The following SREBF1 variants were observed in gnomAD, a reference collection of about 807,000 sequenced individuals.
SREBF1 encodes sterol regulatory element binding transcription factor 1, also known as sterol regulatory element-binding protein 1.
A neutral mutation model predicts 100.1 loss-of-function variants in SREBF1; 45 were observed. That is an observed-to-expected ratio of 0.45 (90% CI 0.35 to 0.58). SREBF1 has a LOEUF of 0.58. Among genes scored for constraint, SREBF1 ranks in the 20% least tolerant of loss-of-function variants. The pLI, the probability that SREBF1 is intolerant of heterozygous loss-of-function variation, is 0.00. For synonymous variants in SREBF1, 657 were observed against 681.8 expected, an observed-to-expected ratio of 0.96 and a Z score of 0.57; for missense variants, 1,324 against 1,539.4, an observed-to-expected ratio of 0.86 and a Z score of 2.34.
intron 2 of SREBF1, 72 bp from the exon 3 acceptor site, chr17:17,819,797 T>C: frequency 6.7e-7 from 1 of 1,491,414 alleles, no homozygotes; most frequent in East Asian, 2.5e-5. Flanking sequence ...TTCAGGTCTC[T>C]ATCACCGACT....
At position 17,812,695 on chromosome 17, in the gene SREBF1, T is replaced by A. The variant is rs1224818753; in HGVS notation, c.3371A>T (p.Asp1124Val). Reference sequence around the variant, plus strand: ...CTGACAGTCGTGCAGCAGCCGGCGATCGCCAAGCTTCTCGAGTGTGCGCGC... The same window carrying A: ...CTGACAGTCGTGCAGCAGCCGGCGAACGCCAAGCTTCTCGAGTGTGCGCGC... ...EAARTLEKLG[D>V]RRLLHDCQQM... Residue 1124 changes from aspartate (D) to valine (V), a missense_variant, in exon 19 of 19, where the codon GAT (aspartate) becomes GTT (valine). Coordinates refer to ENST00000261646, the MANE Select transcript of SREBF1 (RefSeq NM_004176.5). 6.2e-7 allele frequency: 1 copy of A among 1,604,806 alleles called. No individual in the cohort carries two copies. The highest frequency in any genetic ancestry group is 2.2e-5 in the East Asian group (1 of 44,570).
chr17:17,820,893 C>T, intron 1 of SREBF1: 1 of 344,784 alleles, frequency 2.9e-6, no homozygotes, highest in East Asian at 7.0e-5. Context: ...GCCCAAACAT[C>T]TAGAAACATC....
intron 1 of SREBF1, among the ~76,000 whole-genome samples, chr17:17,827,590 G>C (rs79658520): frequency 6.6e-6 from 1 of 152,126 alleles, no homozygotes; most frequent in Admixed American, 6.5e-5. Context: ...TGGCTGCCCC[G>C]GGGGCACAAG....
At chr17:17,820,809 G>T (rs558104352) in intron 1 of SREBF1, 115 of 489,562 alleles carry the variant, frequency 2.3e-4, no homozygotes, top group African/African-American at 1.8e-3. Context: ...CCACAGCTAG[G>T]CTGGGGCTGA....
In SREBF1 at chr17:17,812,633, T is replaced by C; in HGVS notation, c.3433A>G (p.Thr1145Ala). The C allele has an allele frequency of 1.9e-6, 3 of 1,604,670 alleles. No individual in the cohort carries two copies. Among genetic ancestry groups the C allele is most frequent in the Non-Finnish European group, 2.6e-6 (3 of 1,175,606 alleles). ...LMRLGGGTTV[T>A]SS ...CGGGGACACGGGGTCTAGCTGGAAGTGACAGTGGTCCCACCGCCCAGGCGC... is the reference window on the plus strand; with the variant it reads ...CGGGGACACGGGGTCTAGCTGGAAGCGACAGTGGTCCCACCGCCCAGGCGC... Residue 1145 changes from threonine to alanine, a missense_variant, in exon 19 of 19, where the codon ACT becomes GCT. Coordinates refer to ENST00000261646, the MANE Select transcript of SREBF1 (RefSeq NM_004176.5).
rs760193821 is a variant in SREBF1, at chr17:17,814,404, G to A, written c.2742C>T (p.Pro914=). Residue 914 remains proline, a synonymous_variant, in exon 16 of 19, where the codon CCC becomes CCT. Coordinates refer to ENST00000261646, the MANE Select transcript of SREBF1 (RefSeq NM_004176.5). ...AGGAGTGCAGAGCTGCCCTGGGCAG[G>A]GGTCTCCTGTTGGGACCAGGGCAGA... The part of the protein sequence containing the change: ...LPRVLQESER[P]LPRAALHSFK... 6.4e-7 allele frequency: 1 copy of A among 1,556,270 alleles called. No homozygotes were observed. Among genetic ancestry groups the A allele is most frequent in the Admixed American group, 1.9e-5 (1 of 51,850 alleles).
chr17:17,829,256 A>T (rs189798008), intron 1 of SREBF1, among the ~76,000 whole-genome samples: 2,680 of 135,948 alleles, frequency 0.02, 270 homozygotes, highest in African/African-American at 0.085. Context: ...ACACACACAC[A>T]CTCACACATA....
intron 1 of SREBF1, among the ~76,000 whole-genome samples, chr17:17,834,797 A>C (rs542223201): frequency 6.6e-6 from 1 of 152,116 alleles, no homozygotes; most frequent in Non-Finnish European, 1.5e-5. Flanking sequence ...GGCGGATCAC[A>C]AGGTCAGGAG....
chr17:17,814,543 T>G (rs2033332022), intron 15 of SREBF1, 72 bp downstream of exon 15: 1 of 1,535,252 alleles, frequency 6.5e-7, no homozygotes, highest in Non-Finnish European at 8.7e-7. Flanking sequence ...AAAGGCTGAG[T>G]GAGGCACAGT....
Position 17,824,402 on chromosome 17 carries a change from C to G in SREBF1, c.92-3881G>C, listed in dbSNP as rs1035786517. 3.9e-5 allele frequency among the ~76,000 whole-genome samples: 6 copies of G among 152,196 alleles called. No individual in the cohort carries two copies. The highest frequency in any genetic ancestry group is 1.4e-4 in the African/African-American group (6 of 41,442). On this transcript the variant is annotated intron_variant, in intron 1 of 18. Transcript: ENST00000261646. The surrounding 1 kb of genome is among the most constrained non-coding windows in gnomAD (Gnocchi z 4.2). ...AGATGGGTGAAGTCTGCCCCTCCCC[C>G]TCAAGGCCTCACAACCCAGCAGTCA... is the stretch of plus-strand genomic sequence containing the variant.
rs749088010 is a variant in SREBF1 at position 17,814,370 on chromosome 17, C to T, written c.2776G>A (p.Ala926Thr). 2 of 1,567,232 alleles carry T rather than the reference C, an allele frequency of 1.3e-6. No homozygotes were observed. The highest frequency in any genetic ancestry group is 1.7e-6 in the Non-Finnish European group (2 of 1,155,862). Residue 926 changes from alanine (A) to threonine (T), a missense_variant, in exon 16 of 19, where the codon GCC (alanine) becomes ACC (threonine). Physicochemically the swap from Ala to Thr is moderately conservative, Grantham distance 58 (BLOSUM62 0). Coordinates refer to ENST00000261646, the MANE Select transcript of SREBF1 (RefSeq NM_004176.5). ...TTGGCACAGCCCAGCAGGGCCCGGG[C>T]AGCCTTGAAGGAGTGCAGAGCTGCC... ...PRAALHSFKAARALLGCAKAE... is the reference protein window; with the variant it reads ...PRAALHSFKATRALLGCAKAE...
At chr17:17,832,331 G>C (rs1049974537) in intron 1 of SREBF1, among the ~76,000 whole-genome samples, 1 of 152,074 alleles carries the variant, frequency 6.6e-6, no homozygotes, top group Non-Finnish European at 1.5e-5. Context: ...TTCACATTAC[G>C]ATCCTCCATC....
chr17:17,815,518 G>A (rs2033466036), intron 12 of SREBF1, 189 bp from the exon 13 acceptor site: 3 of 605,712 alleles, frequency 5.0e-6, no homozygotes, highest in Middle Eastern at 4.1e-4. Context: ...CACCAGCCTT[G>A]GCCAGGAGAC....
chr17:17,821,373 C>T (rs1030214708), intron 1 of SREBF1, among the ~76,000 whole-genome samples: 5 of 152,100 alleles, frequency 3.3e-5, no homozygotes, highest in African/African-American at 9.7e-5. Flanking sequence ...ACGGGGGGCA[C>T]GCCTCCATCC....
intron 18 of SREBF1, 139 bp downstream of exon 18, chr17:17,813,229 A>C: frequency 1.1e-6 from 1 of 893,508 alleles, no homozygotes; most frequent in Non-Finnish European, 1.8e-6. Flanking sequence ...TGAGCCTCCC[A>C]AAGTGCTAGG....
intron 1 of SREBF1, 89 bp downstream of exon 1, chr17:17,836,638 C>T (rs1045615767): frequency 1.5e-6 from 2 of 1,336,190 alleles, no homozygotes; most frequent in Non-Finnish European, 2.1e-6. Flanking sequence ...AGCTGGCGCC[C>T]GTGGGGGAGA....
At chr17:17,816,109 T>G in intron 11 of SREBF1, 81 bp from the exon 12 acceptor site, 1 of 1,427,834 alleles carries the variant, frequency 7.0e-7, no homozygotes, top group African/African-American at 1.9e-5. Flanking sequence ...TGGCCTGGAG[T>G]CCCCCTGGTA....
rs1195611852 is a variant in SREBF1 at position 17,811,394 on chromosome 17, T to C, written c.*1228A>G. On this transcript the variant is annotated 3_prime_UTR_variant, in exon 19 of 19. Coordinates refer to ENST00000261646, the MANE Select transcript of SREBF1 (RefSeq NM_004176.5). ...TTTCCTTAAGAGTAAAAAACAGTCATTGCATTCAGAAAAAAAAAAAAAAAA... is the reference window on the plus strand; with the variant it reads ...TTTCCTTAAGAGTAAAAAACAGTCACTGCATTCAGAAAAAAAAAAAAAAAA... 5.0e-6 allele frequency: 1 copy of C among 199,778 alleles called. No individual in the cohort carries two copies. The highest frequency in any genetic ancestry group is 3.6e-5 in the African/African-American group (1 of 27,936). 12.4% of individuals were successfully genotyped at this position (199,778 alleles called of 1,614,324 possible).
At chr17:17,833,269 A>T (rs2034988207) in intron 1 of SREBF1, among the ~76,000 whole-genome samples, 1 of 150,936 alleles carries the variant, frequency 6.6e-6, no homozygotes. Flanking sequence ...TAAAAATACA[A>T]AAAAATTAGC....
Sources: allele counts gnomAD v4.1 joint callset (sites outside exome capture counted in the v4.1 genomes callset), GRCh38; gene constraint gnomAD v4.1.1; non-coding constraint Gnocchi (gnomAD v3.1); transcripts MANE v1.5; gene names NCBI Gene and HGNC (gene_info 2026-07-23, HGNC 2026-07-21).